The following LMO7 variants were observed in gnomAD, a reference collection of about 807,000 sequenced individuals.
The protein encoded by LMO7 is LIM domain only protein 7.
Under a neutral mutation model 206.5 loss-of-function variants are expected in LMO7, and 120 were observed. The observed-to-expected ratio is 0.58, with a 90% confidence interval of 0.50 to 0.68. LMO7 has a LOEUF of 0.68. Ranked by LOEUF, LMO7 falls within the 30% of genes least tolerant of loss-of-function variation. The pLI is 0.00. For synonymous variants in LMO7, 706 were observed against 681.5 expected (o/e 1.04, Z -0.56); for missense variants, 1,959 against 1,957.9 (o/e 1.00, Z -0.01).
intron 1 of LMO7, among the ~76,000 whole-genome samples, chr13:75,671,511 G>A (rs572666286): frequency 3.3e-5 from 5 of 152,130 alleles, no homozygotes; most frequent in South Asian, 2.1e-4. Flanking sequence ...TTTATCCGGC[G>A]TGTGATTACT....
Position 75,684,833 on chromosome 13 carries a change from A to G in LMO7, c.70-28349A>G, listed in dbSNP as rs202068216. On this transcript the variant is annotated intron_variant, in intron 1 of 30. Coordinates refer to ENST00000377534, the MANE Select transcript of LMO7 (RefSeq NM_001306080.2). ...TATATGTATATACATATATACACACACGCACATACACACACACACAGTTTG... is the reference window on the plus strand; with the variant it reads ...TATATGTATATACATATATACACACGCGCACATACACACACACACAGTTTG... 1.6e-3 allele frequency among the ~76,000 whole-genome samples: 219 copies of G among 137,356 alleles called. 1 individual carries two copies. In the East Asian group the frequency reaches 0.054, roughly 34 times the overall value. 90.1% of individuals were successfully genotyped at this position (137,356 alleles called of 152,430 possible).
upstream of LMO7, chr13:75,636,250 G>A (rs2035825829): frequency 2.0e-6 from 2 of 1,009,906 alleles, no homozygotes; most frequent in Non-Finnish European, 2.4e-6. Context: ...CGACTCGGCG[G>A]GCCCCGGGAG....
intron 1 of LMO7, among the ~76,000 whole-genome samples, chr13:75,680,773 A>G (rs1390893310): frequency 6.6e-6 from 1 of 151,210 alleles, no homozygotes; most frequent in Non-Finnish European, 1.5e-5. Context: ...CCCTGTGTCC[A>G]TGTGATCTCA....
At chr13:75,715,064 G>A (rs980384491) in intron 2 of LMO7, among the ~76,000 whole-genome samples, 1 of 152,170 alleles carries the variant, frequency 6.6e-6, no homozygotes, top group African/African-American at 2.4e-5. Flanking sequence ...TATATTTCCA[G>A]TAATGAACTA....
Position 75,841,672 on chromosome 13 carries a change from G to A in LMO7, c.3720G>A (p.Arg1240=), listed in dbSNP as rs755483426. 1.2e-6 allele frequency: 2 copies of A among 1,614,114 alleles called. No individual in the cohort carries two copies. The highest frequency in any genetic ancestry group is 2.2e-5 in the South Asian group (2 of 91,074). The change falls in exon 24 of 31, where the codon CGG becomes CGA. Residue 1240 remains arginine, a synonymous_variant. Transcript: ENST00000377534. ...LSSNSMSLTT[R]EPSLATWEAT... ...CAAACAGCATGTCTCTGACCACACG[G>A]GAGCCCTCTCTTGCCACCTGGGAAG...
chr13:75,836,933 A>G (rs1284293141), intron 19 of LMO7, among the ~76,000 whole-genome samples: 2 of 152,230 alleles, frequency 1.3e-5, no homozygotes, highest in Non-Finnish European at 2.9e-5. Context: ...CAAAATATCT[A>G]GGGAAATTTT....
chr13:75,752,484 A>G (rs893516785), intron 3 of LMO7, among the ~76,000 whole-genome samples: 6 of 152,108 alleles, frequency 3.9e-5, no homozygotes, highest in African/African-American at 1.4e-4. Context: ...CAATTTTCCT[A>G]CCTTAATATA....
At position 75,858,452 on chromosome 13, in the gene LMO7, A is replaced by G. The variant is rs888831476; in HGVS notation, c.*509A>G. ...ATGTGCTTTCTGTATCCTTCCTTCT[A>G]CCTATTATTCTGATTTTTAAAAATG... On this transcript the variant is annotated 3_prime_UTR_variant, in exon 31 of 31. Coordinates refer to ENST00000377534, the MANE Select transcript of LMO7 (RefSeq NM_001306080.2). The G allele has an allele frequency of 6.6e-6, 1 of 152,524 alleles. No individual in the cohort carries two copies. The highest frequency in any genetic ancestry group is 6.5e-5 in the Admixed American group (1 of 15,284). 9.4% of individuals were successfully genotyped at this position (152,524 alleles called of 1,614,324 possible). A position where few individuals can be genotyped will look rare whatever the true frequency, so the allele number is the denominator to read the frequency against.
chr13:75,851,007 T>C (rs2060457038), intron 27 of LMO7, among the ~76,000 whole-genome samples: 1 of 152,184 alleles, frequency 6.6e-6, no homozygotes, highest in African/African-American at 2.4e-5. Flanking sequence ...CCCCATGGCA[T>C]GGGACCTGGG....
At chr13:75,710,057 T>A (rs1385948506) in intron 1 of LMO7, among the ~76,000 whole-genome samples, 1 of 152,220 alleles carries the variant, frequency 6.6e-6, no homozygotes, top group Non-Finnish European at 1.5e-5. Context: ...AAATAGGGAA[T>A]CCTTTCCTCA....
intron 7 of LMO7, among the ~76,000 whole-genome samples, chr13:75,803,806 T>C (rs895274813): frequency 6.6e-6 from 1 of 152,134 alleles, no homozygotes; most frequent in African/African-American, 2.4e-5. Flanking sequence ...CCAGACCCTT[T>C]ACAAGCTTGT....
At chr13:75,650,107 A>C (rs2037411670) in intron 1 of LMO7, among the ~76,000 whole-genome samples, 1 of 148,826 alleles carries the variant, frequency 6.7e-6, no homozygotes, top group Non-Finnish European at 1.5e-5. Flanking sequence ...ACAGGCATGA[A>C]CTACTGTGCC....
At chr13:75,638,112 C>T (rs1373036054) in intron 1 of LMO7, among the ~76,000 whole-genome samples, 2 of 152,102 alleles carry the variant, frequency 1.3e-5, no homozygotes, top group African/African-American at 2.4e-5. Flanking sequence ...AGAAAACAAA[C>T]TTGCCATTTT....
intron 1 of LMO7, among the ~76,000 whole-genome samples, chr13:75,642,063 G>T (rs956371993): frequency 1.3e-5 from 2 of 152,152 alleles, no homozygotes; most frequent in Non-Finnish European, 2.9e-5. Context: ...CAAGAGATGA[G>T]GGAATTAATG....
intron 20 of LMO7, chr13:75,838,552 T>C: frequency 3.7e-6 from 1 of 272,390 alleles, no homozygotes; most frequent in Non-Finnish European, 7.0e-6. Context: ...GCCTTACTGC[T>C]TCCTACAAAT....
chr13:75,676,121 G>A (rs1002210702), intron 1 of LMO7, among the ~76,000 whole-genome samples: 5 of 152,190 alleles, frequency 3.3e-5, no homozygotes, highest in Non-Finnish European at 5.9e-5. Context: ...CGTAGTAGAT[G>A]TTCACTAAAT....
chr13:75,809,828 ATTTTT>A (rs35825600), intron 11 of LMO7, among the ~76,000 whole-genome samples: 2 of 122,652 alleles, frequency 1.6e-5, no homozygotes, highest in African/African-American at 6.2e-5. Flanking sequence ...CAAAAACTAC[ATTTTT>A]TTTTTTTTTT....
intron 1 of LMO7, among the ~76,000 whole-genome samples, chr13:75,691,617 A>T (rs1236621690): frequency 6.6e-6 from 1 of 152,074 alleles, no homozygotes; most frequent in Non-Finnish European, 1.5e-5. Flanking sequence ...TTTGAAACCC[A>T]GTCCTCTCTT....
At chr13:75,732,249 C>G (rs933516260) in intron 3 of LMO7, among the ~76,000 whole-genome samples, 3 of 152,228 alleles carry the variant, frequency 2.0e-5, no homozygotes, top group Admixed American at 2.0e-4. Flanking sequence ...CTCCCCGTCA[C>G]TTTCAGGTAC....
Sources: allele counts gnomAD v4.1 joint callset (sites outside exome capture counted in the v4.1 genomes callset), GRCh38; gene constraint gnomAD v4.1.1; transcripts MANE v1.5; gene names NCBI Gene and HGNC (gene_info 2026-07-23, HGNC 2026-07-21).